COX10: variants seen among roughly 807,000 people sequenced by gnomAD.
The protein encoded by COX10 is cytochrome c oxidase assembly factor heme A:farnesyltransferase COX10.
COX10 carries 27 observed loss-of-function variants against 37.3 expected under a neutral mutation model. The observed-to-expected ratio is 0.72, with a 90% CI of 0.53 to 1.00. COX10 has a LOEUF of 1.00. Ranked by LOEUF, COX10 falls within the 50% of genes least tolerant of loss-of-function variation. The probability of loss-of-function intolerance (pLI) is 0.00; values close to 1 mark genes in which losing one functional copy is unlikely to be tolerated. For missense variants in COX10, 475 were observed against 563.2 expected, an observed-to-expected ratio of 0.84 and a Z score of 1.59; for synonymous variants, 222 against 229.1, an observed-to-expected ratio of 0.97 and a Z score of 0.28.
chr17:14,129,983 C>G (rs1415127454), intron 4 of COX10, among the ~76,000 whole-genome samples: 1 of 152,122 alleles, frequency 6.6e-6, no homozygotes, highest in Non-Finnish European at 1.5e-5. Flanking sequence ...GGTGGATATA[C>G]CTATGAGCCC....
chr17:14,175,351 G>A (rs1021081891), intron 5 of COX10, among the ~76,000 whole-genome samples: 9 of 151,892 alleles, frequency 5.9e-5, no homozygotes, highest in African/African-American at 1.2e-4. Context: ...TTTGGGGTCC[G>A]ACTGCCTGGA....
At chr17:14,140,899 C>T (rs781454074) in intron 4 of COX10, among the ~76,000 whole-genome samples, 72 of 151,876 alleles carry the variant, frequency 4.7e-4, no homozygotes, top group Non-Finnish European at 9.0e-4. Flanking sequence ...TAAGTCATCA[C>T]GTTATGATAA....
intron 6 of COX10, among the ~76,000 whole-genome samples, chr17:14,193,092 C>G (rs1237189974): frequency 6.6e-6 from 1 of 152,228 alleles, no homozygotes; most frequent in Non-Finnish European, 1.5e-5. Flanking sequence ...TTTAATGAAT[C>G]TACGAATACC....
chr17:14,199,509 TTCTC>T (rs1906463947), intron 6 of COX10, among the ~76,000 whole-genome samples: 1 of 152,136 alleles, frequency 6.6e-6, no homozygotes, highest in Non-Finnish European at 1.5e-5. Flanking sequence ...ACTCCCATCT[TTCTC>T]TCTAAGTGAA....
chr17:14,189,841 G>A (rs2856171), intron 5 of COX10, among the ~76,000 whole-genome samples: 85,051 of 150,968 alleles, frequency 0.56, 23,780 homozygotes, highest in East Asian at 0.6. Flanking sequence ...AATGTGTGTG[G>A]TCCACTCCAT....
At chr17:14,175,429 C>G (rs1905653369) in intron 5 of COX10, among the ~76,000 whole-genome samples, 1 of 151,834 alleles carries the variant, frequency 6.6e-6, no homozygotes, top group African/African-American at 2.4e-5. Flanking sequence ...TTCTCTGAGG[C>G]TCTGTTTCCT....
intron 4 of COX10, among the ~76,000 whole-genome samples, chr17:14,155,943 C>CAAAAT (rs1272820114): frequency 6.6e-6 from 1 of 151,964 alleles, no homozygotes; most frequent in Non-Finnish European, 1.5e-5. Context: ...GGGATCAATC[C>CAAAAT]AAAATACACC....
intron 4 of COX10, among the ~76,000 whole-genome samples, chr17:14,118,797 C>G (rs1233316105): frequency 6.6e-6 from 1 of 151,230 alleles, no homozygotes; most frequent in African/African-American, 2.4e-5. Context: ...ATTCTTATCT[C>G]TTAGATTTTT....
At chr17:14,116,861 T>C (rs1916126309) in intron 4 of COX10, among the ~76,000 whole-genome samples, 1 of 152,184 alleles carries the variant, frequency 6.6e-6, no homozygotes, top group Admixed American at 6.5e-5. Context: ...AGCGATCTTC[T>C]GGAAATATAA....
intron 4 of COX10, among the ~76,000 whole-genome samples, chr17:14,120,321 C>T (rs1916202792): frequency 6.6e-6 from 1 of 152,058 alleles, no homozygotes; most frequent in Non-Finnish European, 1.5e-5. Flanking sequence ...GAATCATCTG[C>T]ATAGAGATGG....
At chr17:14,190,361 G>A (rs1906163147) in intron 5 of COX10, among the ~76,000 whole-genome samples, 2 of 152,156 alleles carry the variant, frequency 1.3e-5, no homozygotes, top group South Asian at 2.1e-4. Flanking sequence ...TATTGAGGGT[G>A]CCTGAGTGAG....
intron 5 of COX10, among the ~76,000 whole-genome samples, chr17:14,170,366 A>G (rs62055989): frequency 2.0e-5 from 3 of 152,054 alleles, no homozygotes; most frequent in Non-Finnish European, 4.4e-5. Context: ...CAATTTTACA[A>G]ATTTTTATGT....
At chr17:14,154,718 T>A (rs1396828935) in intron 4 of COX10, among the ~76,000 whole-genome samples, 1 of 152,226 alleles carries the variant, frequency 6.6e-6, no homozygotes, top group Non-Finnish European at 1.5e-5. Flanking sequence ...GTCCATCACT[T>A]ACACTGTCTT....
chr17:14,109,622 T>G (rs1272660307), intron 4 of COX10, among the ~76,000 whole-genome samples: 1 of 152,106 alleles, frequency 6.6e-6, no homozygotes, highest in African/African-American at 2.4e-5. Context: ...GTGGTCAAAT[T>G]GGGAGCAGAA....
intron 3 of COX10, among the ~76,000 whole-genome samples, chr17:14,090,818 G>T (rs1915511448): frequency 6.6e-6 from 1 of 152,128 alleles, no homozygotes; most frequent in South Asian, 2.1e-4. Context: ...AATAATTAAT[G>T]CCTGTTCACT....
intron 4 of COX10, among the ~76,000 whole-genome samples, chr17:14,125,825 A>G (rs1054858994): frequency 2.6e-5 from 4 of 152,194 alleles, no homozygotes; most frequent in African/African-American, 7.2e-5. Context: ...AGGACCTAAT[A>G]TATTAGTCAA....
At chr17:14,100,718 AG>A (rs1915757455) in intron 3 of COX10, among the ~76,000 whole-genome samples, 1 of 152,252 alleles carries the variant, frequency 6.6e-6, no homozygotes, top group Non-Finnish European at 1.5e-5. Context: ...ATAGCATCAA[AG>A]AATTTTCAAT....
At chr17:14,070,439 C>G (rs946251946) in intron 1 of COX10, among the ~76,000 whole-genome samples, 9 of 152,122 alleles carry the variant, frequency 5.9e-5, no homozygotes, top group African/African-American at 2.2e-4. Flanking sequence ...GGACAGTGTC[C>G]ATCTCTGGTT....
At chr17:14,194,973 C>T (rs1345939978) in intron 6 of COX10, among the ~76,000 whole-genome samples, 2 of 152,194 alleles carry the variant, frequency 1.3e-5, no homozygotes, top group Non-Finnish European at 2.9e-5. Flanking sequence ...TTGAGGTTGG[C>T]TTCTATTACA....
Sources: gnomAD v4.1 joint callset for allele counts (sites outside exome capture counted in the v4.1 genomes callset) on GRCh38, gnomAD v4.1.1 for gene constraint, MANE v1.5 for transcripts, NCBI Gene and HGNC (gene_info 2026-07-23, HGNC 2026-07-21) for gene names.